Variants in ERICH6B observed in about 807,000 individuals in gnomAD.
ERICH6B encodes the protein glutamate-rich protein 6B.
ERICH6B carries 69 observed loss-of-function variants against 80.0 expected under a neutral mutation model. The observed-to-expected ratio is 0.86, with a 90% CI of 0.71 to 1.05. ERICH6B has a LOEUF of 1.05. ERICH6B is among the 50% of genes least tolerant of loss of function. The pLI is 0.00. For synonymous variants in ERICH6B, 283 were observed against 291.9 expected (o/e 0.97, Z 0.31); for missense variants, 754 against 796.1 (o/e 0.95, Z 0.64).
chr13:45,596,244 T>C, intron 3 of ERICH6B, 125 bp downstream of exon 3: 1 of 1,241,944 alleles, frequency 8.1e-7, no homozygotes, highest in Non-Finnish European at 1.1e-6. Context: ...AAACTAGAGT[T>C]ACCATCCTTT....
Position 45,588,548 on chromosome 13 carries a change from C to T in ERICH6B, c.687-1316G>A, listed in dbSNP as rs374547462. Among the ~76,000 whole-genome samples, 5 of 152,266 alleles carry T rather than the reference C, an allele frequency of 3.3e-5. No homozygotes were observed. In the South Asian group the frequency reaches 6.2e-4, roughly 19 times the overall value. ...AGGGCCTGTTTCTTTATCCTTCTAGCGAGATGATGACTGTCGTACCTCACT... is the reference window on the plus strand; with the variant it reads ...AGGGCCTGTTTCTTTATCCTTCTAGTGAGATGATGACTGTCGTACCTCACT... On this transcript the variant is annotated intron_variant, in intron 4 of 14. Transcript: ENST00000298738.
At chr13:45,612,694 T>C (rs1214144312) in intron 1 of ERICH6B, among the ~76,000 whole-genome samples, 2 of 152,154 alleles carry the variant, frequency 1.3e-5, no homozygotes, top group African/African-American at 2.4e-5. Context: ...GCTGCTGACC[T>C]CCCTAAAGAA....
chr13:45,610,800 A>G (rs1163269640), intron 1 of ERICH6B, among the ~76,000 whole-genome samples: 1 of 151,696 alleles, frequency 6.6e-6, no homozygotes, highest in African/African-American at 2.4e-5. Context: ...TGTTGTATAC[A>G]CGGTCTGTCA....
intron 9 of ERICH6B, among the ~76,000 whole-genome samples, chr13:45,566,881 C>A (rs1023896842): frequency 6.6e-6 from 1 of 152,232 alleles, no homozygotes; most frequent in Non-Finnish European, 1.5e-5. Flanking sequence ...ACAGCTTGCA[C>A]TGTACATTTG....
Position 45,541,405 on chromosome 13 carries a change from A to G in ERICH6B, c.*57T>C. ...AGGTCTTTGGGTTTTTTTTCCCTGGAGCTCCCAAGGTCTCCAACTTCCTAA... is the reference window on the plus strand; with the variant it reads ...AGGTCTTTGGGTTTTTTTTCCCTGGGGCTCCCAAGGTCTCCAACTTCCTAA... On this transcript the variant is annotated 3_prime_UTR_variant, in exon 15 of 15. Coordinates refer to ENST00000298738, the MANE Select transcript of ERICH6B (RefSeq NM_182542.3). 2.1e-6 allele frequency: 3 copies of G among 1,456,596 alleles called. No homozygotes were observed. The highest frequency in any genetic ancestry group is 2.8e-6 in the Non-Finnish European group (3 of 1,075,282). The allele number at this position is 1,456,596 out of a possible 1,614,324, so 90.2% of individuals were successfully genotyped here.
chr13:45,548,730 T>C (rs1258741140), intron 13 of ERICH6B, among the ~76,000 whole-genome samples: 2 of 152,180 alleles, frequency 1.3e-5, no homozygotes, highest in Non-Finnish European at 2.9e-5. Context: ...GGTAATTAAC[T>C]GAATTTCTTG....
At chr13:45,607,085 C>G (rs1163352353) in intron 2 of ERICH6B, among the ~76,000 whole-genome samples, 2 of 152,080 alleles carry the variant, frequency 1.3e-5, no homozygotes, top group Non-Finnish European at 2.9e-5. Context: ...TGTGGTGAGT[C>G]TTAGTATTTC....
intron 13 of ERICH6B, among the ~76,000 whole-genome samples, chr13:45,546,387 G>C (rs1036992247): frequency 2.0e-5 from 3 of 152,184 alleles, no homozygotes; most frequent in Non-Finnish European, 2.9e-5. Context: ...GGAGGGCTTG[G>C]GGAGCTTGGG....
intron 11 of ERICH6B, among the ~76,000 whole-genome samples, chr13:45,556,777 G>T (rs1286881284): frequency 6.6e-6 from 1 of 151,764 alleles, no homozygotes; most frequent in Non-Finnish European, 1.5e-5. Flanking sequence ...ATATATGTGT[G>T]TGTATATATA....
chr13:45,602,518 T>G (rs1949833176), intron 2 of ERICH6B, among the ~76,000 whole-genome samples: 1 of 152,336 alleles, frequency 6.6e-6, no homozygotes, highest in East Asian at 1.9e-4. Flanking sequence ...GGAGCCAGGA[T>G]GAAGAGTTCT....
At chr13:45,554,911 G>C (rs962492017) in intron 11 of ERICH6B, among the ~76,000 whole-genome samples, 3 of 152,202 alleles carry the variant, frequency 2.0e-5, no homozygotes, top group Non-Finnish European at 4.4e-5. Flanking sequence ...GGGATTTATT[G>C]CCTGTTTGTA....
intron 3 of ERICH6B, 79 bp from the exon 4 acceptor site, chr13:45,590,776 G>T (rs975705228): frequency 1.5e-5 from 18 of 1,184,648 alleles, no homozygotes; most frequent in Admixed American, 6.5e-5. Context: ...TGTTAAGTAC[G>T]TGGAGAGGGC....
chr13:45,614,946 G>A (rs1003866742), intron 1 of ERICH6B, among the ~76,000 whole-genome samples: 3 of 152,222 alleles, frequency 2.0e-5, no homozygotes, highest in Non-Finnish European at 4.4e-5. Flanking sequence ...AAAATGTTCT[G>A]GCAACCCCCT....
At chr13:45,611,271 G>A (rs1229229262) in intron 1 of ERICH6B, among the ~76,000 whole-genome samples, 5 of 152,132 alleles carry the variant, frequency 3.3e-5, no homozygotes, top group Admixed American at 6.5e-5. Context: ...ACAGTAAAGC[G>A]GCAGTAGGAA....
intron 11 of ERICH6B, among the ~76,000 whole-genome samples, chr13:45,553,884 T>A (rs1874327360): frequency 6.6e-6 from 1 of 152,214 alleles, no homozygotes; most frequent in Non-Finnish European, 1.5e-5. Context: ...TACAACATGA[T>A]GTTTTGATGT....
chr13:45,615,545 C>T (rs1949923105), intron 1 of ERICH6B, 140 bp downstream of exon 1: 1 of 152,318 alleles, frequency 6.6e-6, no homozygotes, highest in Admixed American at 6.5e-5. Flanking sequence ...CTTGGCGCTT[C>T]TTTGTTGCCC....
intron 4 of ERICH6B, 62 bp from the exon 5 acceptor site, chr13:45,587,294 T>G: frequency 6.8e-7 from 1 of 1,471,520 alleles, no homozygotes; most frequent in East Asian, 2.5e-5. Flanking sequence ...GAACCCCTTC[T>G]AAGGCATGTT....
intron 2 of ERICH6B, among the ~76,000 whole-genome samples, chr13:45,601,472 C>T (rs1437162450): frequency 2.1e-4 from 32 of 152,164 alleles, no homozygotes; most frequent in Admixed American, 2.0e-3. Context: ...CCAGCCCTCC[C>T]CTGGGAGAGG....
chr13:45,550,025 G>A lies in ERICH6B; in HGVS notation c.1514C>T (p.Ala505Val). 6.4e-7 allele frequency: 1 copy of A among 1,551,854 alleles called. No homozygotes were observed. Among genetic ancestry groups the A allele is most frequent in the Non-Finnish European group, 8.7e-7 (1 of 1,147,094 alleles). ...GQIHYPSGNL[A>V]MLILYAKMKK... ...CATTTTCGCATATAAGATGAGCATA[G>A]CCAGGTTTCCTGATGGATAACTGGG... Residue 505 changes from alanine to valine, a missense_variant, in exon 13 of 15, where the codon GCT (alanine) becomes GTT (valine). Ala to Val is a moderately conservative substitution (Grantham distance 64). Coordinates refer to ENST00000298738, the MANE Select transcript of ERICH6B (RefSeq NM_182542.3).
Sources: gnomAD v4.1 joint callset for allele counts (sites outside exome capture counted in the v4.1 genomes callset) on GRCh38, gnomAD v4.1.1 for gene constraint, MANE v1.5 for transcripts, NCBI Gene and HGNC (gene_info 2026-07-23, HGNC 2026-07-21) for gene names.